Variants in CCDC78 observed in about 807,000 individuals in gnomAD.
CCDC78 encodes the protein coiled-coil domain containing 78.
Under a neutral mutation model 61.9 loss-of-function variants are expected in CCDC78, and 78 were observed. The ratio of observed to expected loss-of-function variants is 1.26; its 90% CI spans 1.05 to 1.52. CCDC78 has a LOEUF of 1.52. Among genes scored for constraint, CCDC78 ranks in the 40% most tolerant of loss-of-function variants. The probability of loss-of-function intolerance (pLI) is 0.00; values close to 1 mark genes in which losing one functional copy is unlikely to be tolerated. For missense variants in CCDC78, 737 were observed against 615.5 expected, an observed-to-expected ratio of 1.20 and a Z score of -2.09; for synonymous variants, 287 against 251.9, an observed-to-expected ratio of 1.14 and a Z score of -1.32.
In CCDC78 at chr16:726,019, A is replaced by C; in HGVS notation, c.127T>G (p.Leu43Val). The change falls in exon 2 of 14, where the codon TTG becomes GTG. Residue 43 changes from leucine (L) to valine (V), a missense_variant. Leu to Val is a conservative substitution (Grantham distance 32). Coordinates refer to ENST00000345165, the MANE Select transcript of CCDC78 (RefSeq NM_001378030.1). The stretch of plus-strand genomic sequence containing the variant: ...AGATCTGGTGGGACCTCTGCTTCCA[A>C]GCTGGTGGCCCACACTGCGGTGCCC... Reference protein sequence around the residue: ...PGGTAVWATSLEAEVPPDLAL... With the variant: ...PGGTAVWATSVEAEVPPDLAL... The C allele has an allele frequency of 6.5e-7, 1 of 1,549,246 alleles. No homozygotes were observed. The highest frequency in any genetic ancestry group is 8.7e-7 in the Non-Finnish European group (1 of 1,146,964).
At position 722,743 on chromosome 16, in the gene CCDC78, C is replaced by A; in HGVS notation, c.1348G>T (p.Asp450Tyr). 6.2e-7 allele frequency: 1 copy of A among 1,611,940 alleles called. No individual in the cohort carries two copies. The highest frequency in any genetic ancestry group is 1.1e-5 in the South Asian group (1 of 91,074). Residue 450 changes from aspartate to tyrosine, a missense_variant, in exon 14 of 14, where the codon GAC becomes TAC. By Grantham distance (160) the Asp-to-Tyr change is radical (BLOSUM62 -3). Transcript: ENST00000345165. The part of the protein sequence containing the change: ...LRLRKLAGAG[D>Y]PWKVGAVPPA... ...GGCACAGCCCCCACTTTCCAGGGGT[C>A]CCCTGCACCTGCCAGCTTCCTCAGC...
chr16:723,334 C>T (rs1567313356), intron 11 of CCDC78, 173 bp from the exon 12 acceptor site: 2 of 781,696 alleles, frequency 2.6e-6, no homozygotes. Flanking sequence ...GCCTTGGAGC[C>T]ATCCGTGTAT....
Position 722,904 on chromosome 16 carries a change from C to G in CCDC78, c.1301+18G>C. The G allele has an allele frequency of 6.2e-7, 1 of 1,611,804 alleles. No individual in the cohort carries two copies. Among genetic ancestry groups the G allele is most frequent in the African/African-American group, 1.3e-5 (1 of 75,020 alleles). ...CCAGACCAGGGCCCTGGGGTCACAC[C>G]CAGCTCCCTCTGCCCACCTGCCCAG... On this transcript the variant is annotated intron_variant, in intron 13 of 13. Transcript: ENST00000345165.
chr16:726,606 T>C (rs987986342), upstream of CCDC78: 4 of 588,506 alleles, frequency 6.8e-6, no homozygotes, highest in African/African-American at 3.8e-5. Flanking sequence ...CAGCGCCCCC[T>C]GCACATACCC....
intron 8 of CCDC78, 31 bp from the exon 9 acceptor site, chr16:724,540 C>A (rs1254996423): frequency 1.3e-6 from 2 of 1,574,984 alleles, no homozygotes; most frequent in African/African-American, 1.3e-5. Context: ...CCGCATGGGG[C>A]CCACCCCCCA....
chr16:725,568 C>T lies in CCDC78; in HGVS notation c.280G>A (p.Glu94Lys). The T allele has an allele frequency of 6.2e-7, 1 of 1,608,654 alleles. No individual in the cohort carries two copies. The highest frequency in any genetic ancestry group is 8.5e-7 in the Non-Finnish European group (1 of 1,178,200). Reference sequence around the variant, plus strand: ...AGCTCCAGCTCCAGTACCCGGCTCTCCAGCCGAAGGATCTGTGGGACAACT... The same window carrying T: ...AGCTCCAGCTCCAGTACCCGGCTCTTCAGCCGAAGGATCTGTGGGACAACT... ...FQLKSEILRL[E>K]SRVLELELRG... The change falls in exon 4 of 14, where the codon GAG becomes AAG. Residue 94 changes from glutamate to lysine, a missense_variant. Glu to Lys is a moderately conservative substitution (Grantham distance 56). Transcript: ENST00000345165.
intron 13 of CCDC78, 29 bp downstream of exon 13, chr16:722,893 T>TGG (rs1567311260): frequency 6.2e-7 from 1 of 1,610,482 alleles, no homozygotes; most frequent in African/African-American, 1.3e-5. Flanking sequence ...ACCAGGGCCC[T>TGG]GGGGTCACAC....
In CCDC78 at chr16:723,147, G is replaced by C. The variant is rs1175953558; in HGVS notation, c.1148C>G (p.Ala383Gly). ...GTSEPQGLDA[A>G]SWAQIHQKLR... ...CTTCTGGTGGATCTGGGCCCAGGAT[G>C]CAGCGTCCAGGCCCCTGTGAGGGGA... is the stretch of plus-strand genomic sequence containing the variant. Residue 383 changes from alanine (A) to glycine (G), a missense_variant, in exon 12 of 14, where the codon GCA becomes GGA. Physicochemically the swap from Ala to Gly is moderately conservative, Grantham distance 60. Coordinates refer to ENST00000345165, the MANE Select transcript of CCDC78 (RefSeq NM_001378030.1). 2 of 1,612,498 alleles carry C rather than the reference G, an allele frequency of 1.2e-6. No individual in the cohort carries two copies. The highest frequency in any genetic ancestry group is 2.7e-5 in the African/African-American group (2 of 74,942).
rs779069240 is a variant in CCDC78 at position 724,982 on chromosome 16, G to C, written c.568C>G (p.Leu190Val). The C allele has an allele frequency of 1.9e-6, 3 of 1,612,156 alleles. No individual in the cohort carries two copies. The highest frequency in any genetic ancestry group is 2.2e-5 in the South Asian group (2 of 91,074). ...QQALVTRVAT[L>V]GRQLQGAREE... ...CGGGCTCCCTGCAGCTGCCGGCCCAGGGTTGCCCTGAAGACACGGGGGTGA... is the reference window on the plus strand; with the variant it reads ...CGGGCTCCCTGCAGCTGCCGGCCCACGGTTGCCCTGAAGACACGGGGGTGA... The change falls in exon 7 of 14, where the codon CTG becomes GTG. Residue 190 changes from leucine to valine, a missense_variant. Physicochemically the swap from Leu to Val is conservative, Grantham distance 32. Coordinates refer to ENST00000345165, the MANE Select transcript of CCDC78 (RefSeq NM_001378030.1).
In CCDC78 at chr16:726,392, C is replaced by G; in HGVS notation, c.-25G>C. On this transcript the variant is annotated 5_prime_UTR_variant, in exon 1 of 14. Transcript: ENST00000345165. The stretch of plus-strand genomic sequence containing the variant: ...TAGGCTAGGGAACCCTGGCCAGCTC[C>G]GAGCCCGGTGCTGCCTCCACGCCCG... 1 of 1,516,626 alleles carries G rather than the reference C, an allele frequency of 6.6e-7. No individual in the cohort carries two copies. Among genetic ancestry groups the G allele is most frequent in the Non-Finnish European group, 8.8e-7 (1 of 1,140,472 alleles). 93.9% of individuals were successfully genotyped at this position (1,516,626 alleles called of 1,614,324 possible).
In CCDC78 at chr16:724,623, A is replaced by G. The variant is rs2040658141; in HGVS notation, c.765+58T>C. The G allele has an allele frequency of 3.2e-6, 5 of 1,585,122 alleles. No homozygotes were observed. In the South Asian group the frequency reaches 5.6e-5, roughly 18 times the overall value. ...CCCTGGGGTCTCCCTGAAGCTATCC[A>G]GCACACCCAGGCCAGGCTTGGGCTC... On this transcript the variant is annotated intron_variant, in intron 8 of 13. Transcript: ENST00000345165.
intron 11 of CCDC78, 81 bp downstream of exon 11, chr16:723,776 C>T: frequency 5.3e-6 from 7 of 1,332,636 alleles, no homozygotes; most frequent in Non-Finnish European, 5.3e-6. Context: ...CTTGGTGGAG[C>T]AACTGGGGGC....
Position 724,968 on chromosome 16 carries a change from C to G in CCDC78, c.582G>C (p.Leu194=). The G allele has an allele frequency of 2.5e-6, 4 of 1,611,864 alleles. No homozygotes were observed. Among genetic ancestry groups the G allele is most frequent in the Non-Finnish European group, 3.4e-6 (4 of 1,179,526 alleles). ...CCCTGGCCTCCTCTCGGGCTCCCTG[C>G]AGCTGCCGGCCCAGGGTTGCCCTGA... is the stretch of plus-strand genomic sequence containing the variant. ...VTRVATLGRQ[L]QGAREEARAA... The change falls in exon 7 of 14, where the codon CTG becomes CTC. Residue 194 remains leucine, a synonymous_variant. Transcript: ENST00000345165.
At chr16:726,238 C>G in intron 1 of CCDC78, 70 bp downstream of exon 1, 1 of 1,549,684 alleles carries the variant, frequency 6.5e-7, no homozygotes, top group Non-Finnish European at 8.7e-7. Flanking sequence ...GAACCTGCAC[C>G]CTCCTGGCCT....
At chr16:723,701 A>T in intron 11 of CCDC78, 156 bp downstream of exon 11, 1 of 728,380 alleles carries the variant, frequency 1.4e-6, no homozygotes, top group Non-Finnish European at 2.5e-6. Flanking sequence ...GGACCCACGG[A>T]GGGACCCCAG....
chr16:726,661 A>G, upstream of CCDC78: 1 of 515,122 alleles, frequency 1.9e-6, no homozygotes, highest in South Asian at 2.8e-5. Flanking sequence ...GCCTGGGCGC[A>G]GCGGACGAGC....
Position 722,714 on chromosome 16 carries a change from TGGA to T in CCDC78, c.1374_1376del (p.Pro459del), listed in dbSNP as rs2040315149. The T allele has an allele frequency of 1.2e-6, 2 of 1,610,308 alleles. No individual in the cohort carries two copies. The highest frequency in any genetic ancestry group is 4.5e-5 in the East Asian group (2 of 44,882). On this transcript the variant is annotated inframe_deletion, in exon 14 of 14. Coordinates refer to ENST00000345165, the MANE Select transcript of CCDC78 (RefSeq NM_001378030.1). ...CGGTCCTTGGATGCTGGGGCTTGGCTGGAGGCACAGCCCCCACTTTCCAGGGGT... is the reference window on the plus strand; with the variant it reads ...CGGTCCTTGGATGCTGGGGCTTGGCTGGCACAGCCCCCACTTTCCAGGGGT...
Position 722,689 on chromosome 16 carries a change from C to A in CCDC78, c.1402G>T (p.Gly468Cys). The A allele has an allele frequency of 1.2e-6, 2 of 1,607,156 alleles. No individual in the cohort carries two copies. Among genetic ancestry groups the A allele is most frequent in the South Asian group, 1.1e-5 (1 of 91,036 alleles). The change falls in exon 14 of 14, where the codon GGC becomes TGC. Residue 468 changes from glycine (G) to cysteine (C), a missense_variant. Gly to Cys is a radical substitution (Grantham distance 159). Coordinates refer to ENST00000345165, the MANE Select transcript of CCDC78 (RefSeq NM_001378030.1). ...CCTTGGGAGACGGCCTAGTGGCTGC[C>A]GGTCCTTGGATGCTGGGGCTTGGCT... ...PPAKPQHPRT[G>C]SH
chr16:723,956 G>T lies in CCDC78; in HGVS notation c.1054-20C>A. The T allele has an allele frequency of 6.2e-7, 1 of 1,602,104 alleles. No homozygotes were observed. The highest frequency in any genetic ancestry group is 8.5e-7 in the Non-Finnish European group (1 of 1,173,838). On this transcript the variant is annotated intron_variant, in intron 10 of 13. Transcript: ENST00000345165. ...GCCGTGCTACAGAGGTTTGTGGTGG[G>T]GACGTTTCAGTTGGCTGAACAAGGC...
Sources: allele counts gnomAD v4.1 joint callset, GRCh38; gene constraint gnomAD v4.1.1; transcripts MANE v1.5; gene names NCBI Gene and HGNC (gene_info 2026-07-23, HGNC 2026-07-21).